The following PTPRK variants were observed in gnomAD, a reference collection of about 807,000 sequenced individuals.
The protein encoded by PTPRK is receptor-type tyrosine-protein phosphatase kappa.
Under a neutral mutation model 178.0 loss-of-function variants are expected in PTPRK, and 75 were observed. The ratio of observed to expected loss-of-function variants is 0.42; its 90% CI spans 0.35 to 0.51. PTPRK has a LOEUF of 0.51. Ranked by LOEUF, PTPRK falls within the 20% of genes least tolerant of loss-of-function variation. The probability of loss-of-function intolerance (pLI) is 0.02; values close to 1 mark genes in which losing one functional copy is unlikely to be tolerated. For missense variants in PTPRK, 1,441 were observed against 1,797.8 expected (o/e 0.80, Z 3.59); for synonymous variants, 637 against 620.6 (o/e 1.03, Z -0.39).
chr6:128,347,527 T>G (rs1191074898), intron 2 of PTPRK, among the ~76,000 whole-genome samples: 1 of 152,142 alleles, frequency 6.6e-6, no homozygotes, highest in East Asian at 1.9e-4. Flanking sequence ...TATATGTTTT[T>G]AAGAAGCAGG....
chr6:128,046,071 G>A (rs1487875326), intron 13 of PTPRK, among the ~76,000 whole-genome samples: 1 of 152,072 alleles, frequency 6.6e-6, no homozygotes, highest in Non-Finnish European at 1.5e-5. Flanking sequence ...AAATATTAGT[G>A]CCTAACAAAA....
chr6:128,141,448 T>A (rs1293844331), intron 7 of PTPRK, among the ~76,000 whole-genome samples: 1 of 151,884 alleles, frequency 6.6e-6, no homozygotes, highest in Non-Finnish European at 1.5e-5. Flanking sequence ...CTAAAAGACA[T>A]AAATATGTGA....
chr6:128,024,703 G>C (rs1161340629), intron 13 of PTPRK, among the ~76,000 whole-genome samples: 1 of 152,052 alleles, frequency 6.6e-6, no homozygotes, highest in South Asian at 2.1e-4. Context: ...CCAGCTACCT[G>C]GGAGGCTGAG....
chr6:128,066,868 T>A (rs1486544664), intron 12 of PTPRK, among the ~76,000 whole-genome samples: 1 of 152,160 alleles, frequency 6.6e-6, no homozygotes, highest in Non-Finnish European at 1.5e-5. Context: ...AATATTCATT[T>A]GGGATCAGCA....
chr6:128,088,856 A>T (rs375758441), intron 8 of PTPRK, among the ~76,000 whole-genome samples: 12 of 152,242 alleles, frequency 7.9e-5, no homozygotes, highest in African/African-American at 2.9e-4. Flanking sequence ...TGTCTAATAA[A>T]GGCCATTATA....
chr6:128,242,689 T>A, intron 3 of PTPRK, 87 bp from the exon 4 acceptor site: 1 of 1,492,686 alleles, frequency 6.7e-7, no homozygotes, highest in Non-Finnish European at 8.9e-7. Flanking sequence ...TATGCAAAAG[T>A]AAATCTAATT....
intron 2 of PTPRK, among the ~76,000 whole-genome samples, chr6:128,385,243 G>A (rs1213337842): frequency 1.3e-5 from 2 of 151,890 alleles, no homozygotes; most frequent in African/African-American, 4.8e-5. Context: ...AAAATTTCAA[G>A]AGGTCTTTTC....
intron 7 of PTPRK, among the ~76,000 whole-genome samples, chr6:128,127,009 AT>A (rs1194702889): frequency 1.3e-5 from 2 of 151,520 alleles, no homozygotes; most frequent in Non-Finnish European, 2.9e-5. Flanking sequence ...TTAGAGGGGT[AT>A]GATGTTTTGC....
rs1436621196 is a variant in PTPRK at position 128,284,767 on chromosome 6, T to C, written c.495+37272A>G. Among the ~76,000 whole-genome samples the C allele has an allele frequency of 2.0e-5, 3 of 152,218 alleles. No homozygotes were observed. The East Asian group carries it at 5.8e-4, about 29-fold the overall frequency. On this transcript the variant is annotated intron_variant, in intron 3 of 29. Coordinates refer to ENST00000368226, the MANE Select transcript of PTPRK (RefSeq NM_002844.4). ...ACCTTCCCTGTAAAGCTAAGGAAAC[T>C]AGAGTGCAAATTTCTGTAGGGCTCT...
intron 2 of PTPRK, among the ~76,000 whole-genome samples, chr6:128,396,035 T>C (rs746610799): frequency 5.9e-4 from 89 of 152,096 alleles, no homozygotes; most frequent in Non-Finnish European, 6.8e-4. Flanking sequence ...TGTGATAAAT[T>C]GTTTATTGTT....
At chr6:128,418,219 T>C (rs920869265) in intron 1 of PTPRK, among the ~76,000 whole-genome samples, 1 of 152,178 alleles carries the variant, frequency 6.6e-6, no homozygotes, top group Non-Finnish European at 1.5e-5. Flanking sequence ...CTCCTCAAAA[T>C]TCCAAATACT....
intron 14 of PTPRK, chr6:128,006,103 G>C: frequency 7.1e-7 from 1 of 1,415,802 alleles, no homozygotes; most frequent in Non-Finnish European, 9.8e-7. Flanking sequence ...AATGGTGAAT[G>C]AAAAGCGTGA....
intron 1 of PTPRK, among the ~76,000 whole-genome samples, chr6:128,401,933 G>A (rs997077283): frequency 6.6e-5 from 10 of 152,150 alleles, no homozygotes; most frequent in Non-Finnish European, 1.2e-4. Context: ...CTTTGCTCAT[G>A]TAAGTGATTA....
chr6:127,977,043 T>A lies in PTPRK; in HGVS notation c.3723A>T (p.Gln1241His). 6.2e-7 allele frequency: 1 copy of A among 1,614,058 alleles called. No individual in the cohort carries two copies. Residue 1241 changes from glutamine (Q) to histidine (H), a missense_variant, in exon 26 of 30, where the codon CAA (glutamine) becomes CAT (histidine). Physicochemically the swap from Gln to His is conservative, Grantham distance 24 (BLOSUM62 0). Transcript: ENST00000368226. ...ATTGTGTGACGATGAAAGCAGCTGG[T>A]TGCCTGTAGCTCTGTGAAGAAACAA... The part of the protein sequence containing the change: ...INAALMDSYR[Q>H]PAAFIVTQYP...
At chr6:128,365,634 T>C (rs1835375211) in intron 2 of PTPRK, among the ~76,000 whole-genome samples, 1 of 152,124 alleles carries the variant, frequency 6.6e-6, no homozygotes, top group Admixed American at 6.6e-5. Context: ...CAGCTAATGA[T>C]AGCATTTTGA....
chr6:128,014,731 A>C (rs1779420659), intron 13 of PTPRK, among the ~76,000 whole-genome samples: 1 of 151,672 alleles, frequency 6.6e-6, no homozygotes, highest in Non-Finnish European at 1.5e-5. Context: ...TGTAAAGCAC[A>C]TGTTATTTAT....
chr6:128,253,804 A>G (rs1001368379), intron 3 of PTPRK, among the ~76,000 whole-genome samples: 1 of 152,266 alleles, frequency 6.6e-6, no homozygotes, highest in Admixed American at 6.5e-5. Flanking sequence ...TTCAGCCTAC[A>G]TGTACCATCA....
chr6:128,156,586 C>G (rs1797986415), intron 7 of PTPRK, among the ~76,000 whole-genome samples: 1 of 151,914 alleles, frequency 6.6e-6, no homozygotes. Context: ...AGTCCACCCC[C>G]ATGATTCAAT....
At chr6:128,186,041 G>A (rs1029226645) in intron 6 of PTPRK, among the ~76,000 whole-genome samples, 2 of 151,898 alleles carry the variant, frequency 1.3e-5, no homozygotes, top group Admixed American at 6.6e-5. Context: ...AAGATTATCT[G>A]GTCTGTACAG....
Sources: allele counts gnomAD v4.1 joint callset (sites outside exome capture counted in the v4.1 genomes callset), GRCh38; gene constraint gnomAD v4.1.1; transcripts MANE v1.5; gene names NCBI Gene and HGNC (gene_info 2026-07-23, HGNC 2026-07-21).